ADAMTS17: variants seen among roughly 807,000 people sequenced by gnomAD.
ADAMTS17 encodes the protein ADAM metallopeptidase with thrombospondin type 1 motif 17, also known as A disintegrin and metalloproteinase with thrombospondin motifs 17.
A neutral mutation model predicts 141.5 loss-of-function variants in ADAMTS17; 113 were observed. The observed-to-expected ratio is 0.80, with a 90% CI of 0.69 to 0.93. The LOEUF (loss-of-function observed/expected upper bound fraction) is 0.93. Among genes scored for constraint, ADAMTS17 ranks in the 40% least tolerant of loss-of-function variants. The pLI is 0.00. For synonymous variants in ADAMTS17, 768 were observed against 630.6 expected (o/e 1.22, Z -3.27); for missense variants, 1,659 against 1,517.9 (o/e 1.09, Z -1.54).
chr15:100,235,528 C>A (rs756342310), intron 7 of ADAMTS17, among the ~76,000 whole-genome samples: 1 of 152,064 alleles, frequency 6.6e-6, no homozygotes, highest in Non-Finnish European at 1.5e-5. Context: ...TCAGAATCTC[C>A]GGAAGGCTTG....
chr15:100,171,016 C>T (rs1433534679), intron 8 of ADAMTS17, among the ~76,000 whole-genome samples: 1 of 152,152 alleles, frequency 6.6e-6, no homozygotes, highest in African/African-American at 2.4e-5. Context: ...TGCCTGCTGC[C>T]CCCCTTAGGG....
At chr15:99,983,896 C>CA (rs1596153147) in intron 20 of ADAMTS17, among the ~76,000 whole-genome samples, 1 of 152,196 alleles carries the variant, frequency 6.6e-6, no homozygotes, top group African/African-American at 2.4e-5. Context: ...GGTGAAATGT[C>CA]AAAGCTCTTC....
At position 100,320,237 on chromosome 15, in the gene ADAMTS17, T is replaced by A. The variant is rs113434265; in HGVS notation, c.616+10652A>T. ...GGAGGAAAAAATAGTAAGATCCACA[T>A]ATATCAACTAGGAATTCCAGGAGAA... On this transcript the variant is annotated intron_variant, in intron 3 of 21. Transcript: ENST00000268070. Among the ~76,000 whole-genome samples, 782 of 151,954 alleles carry A rather than the reference T, an allele frequency of 5.1e-3. 6 individuals are homozygous for A. Among genetic ancestry groups the A allele is most frequent in the African/African-American group, 0.018 (740 of 41,398 alleles).
In ADAMTS17 at chr15:100,218,668, G is replaced by C. The variant is rs577083047; in HGVS notation, c.1076-19245C>G. On this transcript the variant is annotated intron_variant, in intron 7 of 21. Transcript: ENST00000268070. ...CTCCCCATAGGAAAAGCGTTTGGCA[G>C]TGTCTCAAAATATTCAACCTAGAAT... is the stretch of plus-strand genomic sequence containing the variant. 5.9e-5 allele frequency among the ~76,000 whole-genome samples: 9 copies of C among 152,310 alleles called. No individual in the cohort carries two copies. In the East Asian group the frequency reaches 1.7e-3, roughly 29 times the overall value.
intron 5 of ADAMTS17, among the ~76,000 whole-genome samples, 171 bp downstream of exon 5, chr15:100,262,181 T>C (rs1304623418): frequency 6.6e-6 from 1 of 151,922 alleles, no homozygotes; most frequent in African/African-American, 2.4e-5. Context: ...CAGCCCCCCC[T>C]CACACCATGC....
At chr15:100,149,141 A>G (rs181608185) in intron 10 of ADAMTS17, among the ~76,000 whole-genome samples, 2 of 152,324 alleles carry the variant, frequency 1.3e-5, no homozygotes, top group Admixed American at 1.3e-4. Context: ...CAGTCCTACA[A>G]AAGCAGGGAA....
chr15:100,291,771 T>C (rs2044631574), intron 3 of ADAMTS17, among the ~76,000 whole-genome samples: 1 of 152,174 alleles, frequency 6.6e-6, no homozygotes, highest in African/African-American at 2.4e-5. Flanking sequence ...TTCTCATTTA[T>C]AAGTGGGAGT....
chr15:100,152,861 G>A (rs2039244431), intron 9 of ADAMTS17, 99 bp from the exon 10 acceptor site: 1 of 1,468,426 alleles, frequency 6.8e-7, no homozygotes, highest in Non-Finnish European at 9.2e-7. Context: ...ACTGAGAAGA[G>A]GGCACCTCCA....
intron 12 of ADAMTS17, among the ~76,000 whole-genome samples, chr15:100,124,589 C>A (rs9672847): frequency 1.3e-5 from 2 of 152,028 alleles, no homozygotes; most frequent in African/African-American, 4.8e-5. Flanking sequence ...CATGCGCGCC[C>A]CAGGGGCCAG....
chr15:100,088,584 A>C (rs1417836218), intron 15 of ADAMTS17, among the ~76,000 whole-genome samples: 3 of 152,226 alleles, frequency 2.0e-5, no homozygotes, highest in East Asian at 3.9e-4. Context: ...ACCTGACTTC[A>C]AACTATACTA....
At chr15:100,261,452 T>A (rs765164887) in intron 6 of ADAMTS17, 27 bp downstream of exon 6, 2 of 1,613,348 alleles carry the variant, frequency 1.2e-6, no homozygotes, top group Non-Finnish European at 1.7e-6. Context: ...CTCTCACATG[T>A]CAGCTACAGG....
intron 4 of ADAMTS17, among the ~76,000 whole-genome samples, chr15:100,268,465 TCTGA>T (rs2043795982): frequency 6.6e-6 from 1 of 152,230 alleles, no homozygotes; most frequent in South Asian, 2.1e-4. Context: ...CTGTTATTTT[TCTGA>T]CTTTTTAATA....
intron 7 of ADAMTS17, among the ~76,000 whole-genome samples, chr15:100,208,068 TG>T (rs2041647934): frequency 6.6e-6 from 1 of 152,040 alleles, no homozygotes; most frequent in African/African-American, 2.4e-5. Context: ...CAGGGGAAGG[TG>T]GGATGGGCCA....
At chr15:100,017,144 G>T (rs1183802069) in intron 18 of ADAMTS17, among the ~76,000 whole-genome samples, 1 of 152,112 alleles carries the variant, frequency 6.6e-6, no homozygotes, top group Non-Finnish European at 1.5e-5. Flanking sequence ...TCAGGGAAGT[G>T]GGGGAAAGCC....
chr15:100,325,833 T>A (rs2045883124), intron 3 of ADAMTS17, among the ~76,000 whole-genome samples: 1 of 152,192 alleles, frequency 6.6e-6, no homozygotes, highest in Non-Finnish European at 1.5e-5. Flanking sequence ...AGGTATTCCT[T>A]CAGGCAACAC....
intron 12 of ADAMTS17, among the ~76,000 whole-genome samples, chr15:100,127,131 G>C (rs963423296): frequency 6.6e-6 from 1 of 152,148 alleles, no homozygotes; most frequent in Non-Finnish European, 1.5e-5. Context: ...AGGAGGCTTC[G>C]AGGCTGCAGG....
At chr15:100,274,436 G>C (rs7163659) in intron 4 of ADAMTS17, among the ~76,000 whole-genome samples, 4 of 151,864 alleles carry the variant, frequency 2.6e-5, no homozygotes, top group African/African-American at 9.7e-5. Context: ...TTGCCTCTTG[G>C]AAGCTTTTTG....
chr15:100,179,856 G>C (rs8025716), intron 8 of ADAMTS17, among the ~76,000 whole-genome samples: 7,689 of 152,102 alleles, frequency 0.051, 269 homozygotes, highest in East Asian at 0.18. Context: ...GATCTTTTGC[G>C]CGTTTTTAAA....
chr15:100,297,509 C>T (rs1385684543), intron 3 of ADAMTS17, among the ~76,000 whole-genome samples: 3 of 152,048 alleles, frequency 2.0e-5, no homozygotes, highest in Non-Finnish European at 2.9e-5. Flanking sequence ...GGAGGGACTT[C>T]GAAGATGGAA....
Sources: gnomAD v4.1 joint callset for allele counts (sites outside exome capture counted in the v4.1 genomes callset) on GRCh38, gnomAD v4.1.1 for gene constraint, MANE v1.5 for transcripts, NCBI Gene and HGNC (gene_info 2026-07-23, HGNC 2026-07-21) for gene names.